ZFC3H1: variants seen among roughly 807,000 people sequenced by gnomAD.
ZFC3H1 encodes zinc finger C3H1-type containing, also known as zinc finger C3H1 domain-containing protein.
A neutral mutation model predicts 243.7 loss-of-function variants in ZFC3H1; 71 were observed. The observed-to-expected ratio is 0.29, with a 90% CI of 0.24 to 0.36. The LOEUF is 0.36. ZFC3H1 is among the 10% of genes least tolerant of loss of function. The pLI is 1.00. For missense variants in ZFC3H1, 1,966 were observed against 2,317.1 expected (o/e 0.85, Z 3.11); for synonymous variants, 838 against 813.0 (o/e 1.03, Z -0.52).
chr12:71,610,634 T>C, intron 34 of ZFC3H1, 61 bp downstream of exon 34: 2 of 1,612,214 alleles, frequency 1.2e-6, no homozygotes, highest in African/African-American at 1.3e-5. Context: ...TCAATGGATA[T>C]GGCACATGCA....
At position 71,614,596 on chromosome 12, in the gene ZFC3H1, G is replaced by A. The variant is rs1358307387; in HGVS notation, c.5465C>T (p.Ala1822Val). Residue 1822 changes from alanine (A) to valine (V), a missense_variant, in exon 30 of 35, where the codon GCC (alanine) becomes GTC (valine). Around this residue, in one of 4 missense-constraint regions of ZFC3H1, gnomAD observed 1,383 missense variants for 1,723.7 expected, o/e 0.80. Coordinates refer to ENST00000378743, the MANE Select transcript of ZFC3H1 (RefSeq NM_144982.5). ...ACTGCTAAAAGGAATGGGGTATCGGGCAGGGACTGTAACCAAACATCTATT... is the reference window on the plus strand; with the variant it reads ...ACTGCTAAAAGGAATGGGGTATCGGACAGGGACTGTAACCAAACATCTATT... ...LVNRCLVTVP[A>V]RYPIPFSSAD... 3.7e-6 allele frequency: 6 copies of A among 1,613,316 alleles called. No individual in the cohort carries two copies. Among genetic ancestry groups the A allele is most frequent in the Non-Finnish European group, 5.1e-6 (6 of 1,179,642 alleles).
At chr12:71,629,580 C>T (rs759156879) in intron 19 of ZFC3H1, 29 bp downstream of exon 19, 4 of 1,392,168 alleles carry the variant, frequency 2.9e-6, no homozygotes, top group East Asian at 4.6e-5. Context: ...CACACACACA[C>T]ACACACACAC....
rs1292268340 is a variant in ZFC3H1, at chr12:71,620,129, AC to A, written c.4851-6del. The stretch of plus-strand genomic sequence containing the variant: ...AGCTCCATTGCAGCCTCATACCTTA[AC>A]AAAAAAGAAAAAAAAAGGCTAAAGA... On this transcript the variant is annotated splice_region_variant and splice_polypyrimidine_tract_variant and intron_variant, in intron 25 of 34. Transcript: ENST00000378743. The A allele has an allele frequency of 1.2e-6, 2 of 1,607,140 alleles. No individual in the cohort carries two copies. Among genetic ancestry groups the A allele is most frequent in the Admixed American group, 1.7e-5 (1 of 58,086 alleles).
In ZFC3H1 at chr12:71,620,260, G is replaced by C; in HGVS notation, c.4800C>G (p.Ala1600=). 6.2e-7 allele frequency: 1 copy of C among 1,614,158 alleles called. No homozygotes were observed. The highest frequency in any genetic ancestry group is 8.5e-7 in the Non-Finnish European group (1 of 1,180,024). The stretch of plus-strand genomic sequence containing the variant: ...TCATGTTTGTGTAAAGTGGAAGGCA[G>C]GCCTCTATTCTTTCCTCAACAGCAA... ...ESLAVEERIE[A]CLPLYTNMIA... Residue 1600 remains alanine, a synonymous_variant, in exon 25 of 35, where the codon GCC becomes GCG. Coordinates refer to ENST00000378743, the MANE Select transcript of ZFC3H1 (RefSeq NM_144982.5).
At chr12:71,658,424 G>A (rs1405679044) in intron 1 of ZFC3H1, among the ~76,000 whole-genome samples, 1 of 151,476 alleles carries the variant, frequency 6.6e-6, no homozygotes, top group East Asian at 1.9e-4. Context: ...GAGTAGCTTG[G>A]ATTACAGGTG....
At chr12:71,651,906 G>A (rs988009354) in intron 2 of ZFC3H1, among the ~76,000 whole-genome samples, 1 of 152,172 alleles carries the variant, frequency 6.6e-6, no homozygotes, top group African/African-American at 2.4e-5. Context: ...AAATGGCCAT[G>A]AACAAGACAG....
In ZFC3H1 at chr12:71,663,015, C is replaced by T; in HGVS notation, c.596G>A (p.Ser199Asn). ...GCCGACCGCCACGTTAAGGATACAG[C>T]TCTTCCGAGGTGGAGAGGGCTCTCG... ...SWREPSPPRKSSKSFGRSPSR... is the reference protein window; with the variant it reads ...SWREPSPPRKNSKSFGRSPSR... Residue 199 changes from serine to asparagine, a missense_variant and splice_region_variant, in exon 1 of 35, where the codon AGC becomes AAC. By Grantham distance (46) the Ser-to-Asn change is conservative (BLOSUM62 1). Around this residue, in one of 4 missense-constraint regions of ZFC3H1, gnomAD observed 484 missense variants for 449.7 expected, o/e 1.08. Transcript: ENST00000378743. 6.3e-7 allele frequency: 1 copy of T among 1,599,150 alleles called. No individual in the cohort carries two copies. The highest frequency in any genetic ancestry group is 2.2e-5 in the East Asian group (1 of 44,670).
At chr12:71,620,453 T>C in intron 24 of ZFC3H1, 138 bp from the exon 25 acceptor site, 3 of 810,686 alleles carry the variant, frequency 3.7e-6, no homozygotes, top group Non-Finnish European at 2.0e-6. Flanking sequence ...CTTATTCACC[T>C]TTACTGAGCT....
In ZFC3H1 at chr12:71,636,962, T is replaced by C. The variant is rs1880478415; in HGVS notation, c.1823A>G (p.Asp608Gly). ...LPPLPPLPPEDPEQPPKPPFA... is the reference protein window; with the variant it reads ...LPPLPPLPPEGPEQPPKPPFA... The stretch of plus-strand genomic sequence containing the variant: ...AGGTGGTTTTGGAGGCTGTTCTGGA[T>C]CTTCAGGTGGGAGAGGTGGTAATGG... The change falls in exon 8 of 35, where the codon GAT becomes GGT. Residue 608 changes from aspartate (D) to glycine (G), a missense_variant. By Grantham distance (94) the Asp-to-Gly change is moderately conservative (BLOSUM62 -1). Around this residue, in one of 4 missense-constraint regions of ZFC3H1, gnomAD observed 1,383 missense variants for 1,723.7 expected, o/e 0.80. Transcript: ENST00000378743. 6.2e-7 allele frequency: 1 copy of C among 1,613,918 alleles called. No individual in the cohort carries two copies. The highest frequency in any genetic ancestry group is 1.3e-5 in the African/African-American group (1 of 74,884).
chr12:71,610,584 C>T lies in ZFC3H1; in HGVS notation c.5833-19G>A. 6.2e-7 allele frequency: 1 copy of T among 1,612,750 alleles called. No individual in the cohort carries two copies. The highest frequency in any genetic ancestry group is 8.5e-7 in the Non-Finnish European group (1 of 1,179,376). On this transcript the variant is annotated intron_variant, in intron 34 of 34. Coordinates refer to ENST00000378743, the MANE Select transcript of ZFC3H1 (RefSeq NM_144982.5). ...AGAGTTGCTGTAAAAGACAGGGAAG[C>T]ATAGAAGTAAGACTTAGCTAGAGTT...
intron 26 of ZFC3H1, 73 bp downstream of exon 26, chr12:71,619,853 A>G (rs781190438): frequency 3.6e-6 from 5 of 1,378,968 alleles, no homozygotes; most frequent in Non-Finnish European, 5.0e-6. Flanking sequence ...ACCAGGAAAC[A>G]CTTCCTGGTG....
At position 71,642,572 on chromosome 12, in the gene ZFC3H1, C is replaced by T. The variant is rs1476179534; in HGVS notation, c.1504-13G>A. ...CAGGATCTGAAGACTAAGTATACAA[C>T]ACTTTTTTAGTTTCAAAGCATTTTC... On this transcript the variant is annotated splice_polypyrimidine_tract_variant and intron_variant, in intron 5 of 34. Coordinates refer to ENST00000378743, the MANE Select transcript of ZFC3H1 (RefSeq NM_144982.5). The T allele has an allele frequency of 6.3e-7, 1 of 1,593,242 alleles. No homozygotes were observed.
At chr12:71,645,200 GATAAA>G (rs1880698894) in intron 3 of ZFC3H1, 125 bp from the exon 4 acceptor site, 1 of 821,366 alleles carries the variant, frequency 1.2e-6, no homozygotes, top group East Asian at 2.7e-5. Context: ...GGCAAATACA[GATAAA>G]ATAAGTAAAC....
intron 2 of ZFC3H1, among the ~76,000 whole-genome samples, chr12:71,649,778 T>A (rs1880832789): frequency 6.6e-6 from 1 of 152,234 alleles, no homozygotes; most frequent in Non-Finnish European, 1.5e-5. Context: ...AGAAATCTAC[T>A]GGTTGATTAG....
intron 27 of ZFC3H1, among the ~76,000 whole-genome samples, chr12:71,618,522 T>TGGA (rs1879945895): frequency 6.6e-6 from 1 of 152,246 alleles, no homozygotes; most frequent in South Asian, 2.1e-4. Context: ...TGCCTATTTT[T>TGGA]GTAAACAGTT....
In ZFC3H1 at chr12:71,663,308, G is replaced by A. The variant is rs773963819; in HGVS notation, c.303C>T (p.Pro101=). ...HASERGHLRG[P]SSYRPKEPFR... ...ACGGTTCTTTGGGTCGGTAGCTGCT[G>A]GGTCCCCTGAGGTGGCCCCGCTCAG... The change falls in exon 1 of 35, where the codon CCC becomes CCT. Residue 101 remains proline, a synonymous_variant. Transcript: ENST00000378743. 2 of 1,613,398 alleles carry A rather than the reference G, an allele frequency of 1.2e-6. No homozygotes were observed. Among genetic ancestry groups the A allele is most frequent in the Non-Finnish European group, 1.7e-6 (2 of 1,180,034 alleles).
intron 16 of ZFC3H1, 33 bp downstream of exon 16, chr12:71,631,745 G>A (rs1360161790): frequency 1.3e-6 from 2 of 1,518,552 alleles, no homozygotes; most frequent in African/African-American, 2.8e-5. Context: ...CAGAAATCCT[G>A]AAATTCAAGC....
chr12:71,614,123 G>A (rs191258361), intron 30 of ZFC3H1, among the ~76,000 whole-genome samples: 1 of 152,058 alleles, frequency 6.6e-6, no homozygotes, highest in Non-Finnish European at 1.5e-5. Context: ...TTAACAAAGA[G>A]AGCAGCTACA....
intron 1 of ZFC3H1, among the ~76,000 whole-genome samples, chr12:71,658,846 A>T (rs890575259): frequency 6.6e-6 from 1 of 152,220 alleles, no homozygotes; most frequent in African/African-American, 2.4e-5. Flanking sequence ...ATCCTGAAAG[A>T]AAACTAGTTT....
Sources: gnomAD v4.1 joint callset for allele counts (sites outside exome capture counted in the v4.1 genomes callset) on GRCh38, gnomAD v4.1.1 for gene constraint, gnomAD v4.1.1 regional missense constraint, MANE v1.5 for transcripts, NCBI Gene and HGNC (gene_info 2026-07-23, HGNC 2026-07-21) for gene names.